The following MYO18B variants were observed in gnomAD, a reference collection of about 807,000 sequenced individuals.
MYO18B encodes unconventional myosin-XVIIIb.
Under a neutral mutation model 273.0 loss-of-function variants are expected in MYO18B, and 204 were observed. That is an observed-to-expected ratio of 0.75 (90% CI 0.67 to 0.84). The LOEUF (loss-of-function observed/expected upper bound fraction) is 0.84, where lower values mean the gene tolerates loss of function less well. Ranked by LOEUF, MYO18B falls within the 40% of genes least tolerant of loss-of-function variation. MYO18B has a pLI of 0.00. For missense variants in MYO18B, 3,212 were observed against 3,287.6 expected (o/e 0.98, Z 0.56); for synonymous variants, 1,330 against 1,305.7 (o/e 1.02, Z -0.40).
intron 12 of MYO18B, among the ~76,000 whole-genome samples, chr22:25,810,254 T>C (rs5761245): frequency 0.066 from 9,951 of 150,600 alleles, 569 homozygotes; most frequent in East Asian, 0.21. Context: ...CCCACCACCA[T>C]GCCCAGATGT....
chr22:25,907,295 G>A (rs1423634357), intron 31 of MYO18B, among the ~76,000 whole-genome samples: 2 of 152,160 alleles, frequency 1.3e-5, no homozygotes, highest in Admixed American at 1.3e-4. Context: ...CCCTTTATAC[G>A]ACTTCACACA....
At chr22:25,998,198 T>C (rs1410686041) in intron 40 of MYO18B, among the ~76,000 whole-genome samples, 1 of 152,188 alleles carries the variant, frequency 6.6e-6, no homozygotes, top group African/African-American at 2.4e-5. Context: ...GCATTGTAAC[T>C]TGCACTGTGG....
At chr22:25,747,502 C>T (rs2085816215) in intron 1 of MYO18B, among the ~76,000 whole-genome samples, 1 of 152,232 alleles carries the variant, frequency 6.6e-6, no homozygotes, top group South Asian at 2.1e-4. Flanking sequence ...ATCTCATCAG[C>T]CTGTAGGAGT....
intron 39 of MYO18B, among the ~76,000 whole-genome samples, chr22:25,967,875 C>A (rs2092996160): frequency 6.6e-6 from 1 of 152,200 alleles, no homozygotes; most frequent in African/African-American, 2.4e-5. Flanking sequence ...TTCCCAATTC[C>A]ATGCTCCATG....
At chr22:25,969,243 C>T (rs945534543) in intron 39 of MYO18B, among the ~76,000 whole-genome samples, 9 of 152,166 alleles carry the variant, frequency 5.9e-5, no homozygotes, top group Non-Finnish European at 5.9e-5. Context: ...CTTATCTCAC[C>T]TGGGAGTTAG....
At chr22:26,059,101 C>T in the MYO18B span, among the ~76,000 whole-genome samples, 2 of 152,134 alleles carry the variant, frequency 1.3e-5, no homozygotes, top group Non-Finnish European at 2.9e-5. Context: ...CCTCCCAAAA[C>T]CTTTGGGACT....
intron 39 of MYO18B, among the ~76,000 whole-genome samples, chr22:25,989,180 A>T (rs1311609448): frequency 6.6e-6 from 1 of 152,094 alleles, no homozygotes; most frequent in Non-Finnish European, 1.5e-5. Context: ...CCCTTTTCTC[A>T]TGTCTCAGCA....
rs78334389 is a variant in MYO18B at position 26,013,174 on chromosome 22, C to G, written c.6470+8319C>G. 5.0e-3 allele frequency among the ~76,000 whole-genome samples: 757 copies of G among 152,254 alleles called. 5 individuals are homozygous for G. Among genetic ancestry groups the G allele is most frequent in the African/African-American group, 0.018 (731 of 41,540 alleles). On this transcript the variant is annotated intron_variant, in intron 42 of 43. Transcript: ENST00000335473. ...TCATTTATTTTCATTGCTCTATAGT[C>G]TATGTCAGTGGTTCTCAACTGGAGG...
At chr22:25,986,159 T>C (rs781038285) in intron 39 of MYO18B, among the ~76,000 whole-genome samples, 4 of 152,214 alleles carry the variant, frequency 2.6e-5, no homozygotes, top group Non-Finnish European at 5.9e-5. Context: ...TCTAGATCTT[T>C]TCTTGGTTGT....
the MYO18B span, among the ~76,000 whole-genome samples, chr22:26,046,934 G>A: frequency 5.3e-5 from 8 of 152,014 alleles, no homozygotes; most frequent in African/African-American, 1.7e-4. Flanking sequence ...GATCCAGTGG[G>A]GCCATCAGGT....
intron 27 of MYO18B, among the ~76,000 whole-genome samples, chr22:25,893,313 A>T (rs2091712336): frequency 6.6e-6 from 1 of 152,152 alleles, no homozygotes; most frequent in South Asian, 2.1e-4. Flanking sequence ...TTACAGAGGG[A>T]TTTTAATTGG....
chr22:25,779,896 A>G (rs931725499), intron 8 of MYO18B, among the ~76,000 whole-genome samples, 160 bp from the exon 9 acceptor site: 2 of 152,208 alleles, frequency 1.3e-5, no homozygotes, highest in African/African-American at 4.8e-5. Flanking sequence ...TGGGTTGGGC[A>G]GGGAGTGGGT....
intron 34 of MYO18B, among the ~76,000 whole-genome samples, chr22:25,930,516 T>C (rs1246508737): frequency 2.0e-5 from 3 of 151,606 alleles, no homozygotes; most frequent in Non-Finnish European, 4.4e-5. Context: ...TTTTTAATTT[T>C]TTTTTTTATT....
intron 39 of MYO18B, among the ~76,000 whole-genome samples, chr22:25,955,824 C>T (rs1482523978): frequency 1.3e-5 from 2 of 152,106 alleles, no homozygotes; most frequent in African/African-American, 4.8e-5. Flanking sequence ...ACCGAGCCTT[C>T]CAGAAGGGGA....
chr22:25,776,792 T>C (rs1164658498), intron 7 of MYO18B, among the ~76,000 whole-genome samples: 1 of 152,118 alleles, frequency 6.6e-6, no homozygotes, highest in African/African-American at 2.4e-5. Context: ...AGAGGGGTTG[T>C]GGGGTTGTGG....
intron 22 of MYO18B, among the ~76,000 whole-genome samples, chr22:25,871,023 G>T (rs1448863896): frequency 1.3e-5 from 2 of 152,194 alleles, no homozygotes; most frequent in Non-Finnish European, 2.9e-5. Flanking sequence ...TATTGACTGA[G>T]AAACTGTCAA....
At chr22:25,947,914 A>G (rs964945601) in intron 36 of MYO18B, 86 bp downstream of exon 36, 3 of 963,200 alleles carry the variant, frequency 3.1e-6, no homozygotes, top group Admixed American at 2.0e-5. Flanking sequence ...TGGTTGGACT[A>G]CTCCCTGGTC....
intron 42 of MYO18B, 73 bp downstream of exon 42, chr22:26,004,928 A>G: frequency 1.3e-6 from 2 of 1,581,066 alleles, no homozygotes; most frequent in Non-Finnish European, 1.7e-6. Context: ...GTTGTTGTTC[A>G]AGTCTTTCAT....
chr22:25,908,816 C>T (rs1160294349), intron 32 of MYO18B, among the ~76,000 whole-genome samples: 2 of 152,212 alleles, frequency 1.3e-5, no homozygotes, highest in Non-Finnish European at 2.9e-5. Context: ...CCATTCCGAA[C>T]AGTGTGTAAG....
Sources: allele counts gnomAD v4.1 joint callset (sites outside exome capture counted in the v4.1 genomes callset), GRCh38; gene constraint gnomAD v4.1.1; transcripts MANE v1.5; gene names NCBI Gene and HGNC (gene_info 2026-07-23, HGNC 2026-07-21).